DOK5: variants seen among roughly 807,000 people sequenced by gnomAD.
The protein encoded by DOK5 is docking protein 5.
Under a neutral mutation model 43.3 loss-of-function variants are expected in DOK5, and 27 were observed. The observed-to-expected ratio is 0.62, with a 90% CI of 0.46 to 0.86. The LOEUF (loss-of-function observed/expected upper bound fraction) is 0.86. Ranked by LOEUF, DOK5 falls within the 40% of genes least tolerant of loss-of-function variation. The pLI, the probability that DOK5 is intolerant of heterozygous loss-of-function variation, is 0.00. For synonymous variants in DOK5, 146 were observed against 140.1 expected (o/e 1.04, Z -0.30); for missense variants, 373 against 392.9 (o/e 0.95, Z 0.43).
Position 54,650,762 on chromosome 20 carries a change from A to G in DOK5, c.*283A>G. The G allele has an allele frequency of 3.3e-6, 1 of 304,080 alleles. No individual in the cohort carries two copies. Among genetic ancestry groups the G allele is most frequent in the Non-Finnish European group, 6.0e-6 (1 of 165,368 alleles). The allele number at this position is 304,080 out of a possible 1,614,324, so 18.8% of individuals were successfully genotyped here. On this transcript the variant is annotated 3_prime_UTR_variant, in exon 8 of 8. Coordinates refer to ENST00000262593, the MANE Select transcript of DOK5 (RefSeq NM_018431.5). ...AGTCAATGTCACGAAATGATTTTCT[A>G]TTGTAGATACTTTGTCCCTTGCACT...
chr20:54,606,507 C>T (rs1025517066), intron 5 of DOK5, among the ~76,000 whole-genome samples: 7 of 152,168 alleles, frequency 4.6e-5, no homozygotes, highest in Non-Finnish European at 8.8e-5. Context: ...TCTCTGGAGA[C>T]GAGAAGCAGA....
rs149120193 is a variant in DOK5 at position 54,491,191 on chromosome 20, T to C, written c.66+15179T>C. Among the ~76,000 whole-genome samples, 1,133 of 152,346 alleles carry C rather than the reference T, an allele frequency of 7.4e-3. 7 individuals carry two copies. The highest frequency in any genetic ancestry group is 0.026 in the African/African-American group (1,067 of 41,576). ...TCATTTCTTTGTTGCTTGTTTCTTC[T>C]AGTAACCACAAGCACTGAGCGGGTC... On this transcript the variant is annotated intron_variant, in intron 1 of 7. Coordinates refer to ENST00000262593, the MANE Select transcript of DOK5 (RefSeq NM_018431.5).
At chr20:54,503,833 T>A (rs1487590741) in intron 1 of DOK5, among the ~76,000 whole-genome samples, 1 of 152,148 alleles carries the variant, frequency 6.6e-6, no homozygotes, top group East Asian at 1.9e-4. Context: ...GGACATAAAA[T>A]GAGGTGATTG....
At chr20:54,564,956 C>T (rs533534378) in intron 2 of DOK5, among the ~76,000 whole-genome samples, 1 of 152,330 alleles carries the variant, frequency 6.6e-6, no homozygotes, top group South Asian at 2.1e-4. Context: ...TTCATTTGTC[C>T]TGTCTCAAAG....
chr20:54,555,766 G>A (rs1325480107), intron 2 of DOK5, among the ~76,000 whole-genome samples: 1 of 152,136 alleles, frequency 6.6e-6, no homozygotes, highest in Non-Finnish European at 1.5e-5. Flanking sequence ...GTCTATGAAG[G>A]AACTATGCTT....
chr20:54,546,198 AT>A, intron 1 of DOK5, among the ~76,000 whole-genome samples: 1 of 152,322 alleles, frequency 6.6e-6, no homozygotes, highest in African/African-American at 2.4e-5. Context: ...CCAAACAGGA[AT>A]GTTGGGATGA....
At chr20:54,532,792 A>G (rs1410249763) in intron 1 of DOK5, among the ~76,000 whole-genome samples, 1 of 152,196 alleles carries the variant, frequency 6.6e-6, no homozygotes, top group African/African-American at 2.4e-5. Flanking sequence ...GAGACCTGCG[A>G]TCTGAGTGGC....
intron 1 of DOK5, among the ~76,000 whole-genome samples, chr20:54,488,710 T>G (rs1362080986): frequency 6.6e-6 from 1 of 151,102 alleles, no homozygotes; most frequent in African/African-American, 2.4e-5. Context: ...CTCCCTCCCT[T>G]CCATATATTA....
chr20:54,519,062 T>A (rs1450813834), intron 1 of DOK5, among the ~76,000 whole-genome samples: 1 of 152,332 alleles, frequency 6.6e-6, no homozygotes, highest in Non-Finnish European at 1.5e-5. Flanking sequence ...CAACAGGTGC[T>A]GGAGAGGATG....
chr20:54,575,722 A>T (rs1242915933), intron 2 of DOK5, among the ~76,000 whole-genome samples: 1 of 152,170 alleles, frequency 6.6e-6, no homozygotes, highest in African/African-American at 2.4e-5. Context: ...ATTACAGGCC[A>T]ACTGTGTTAT....
At chr20:54,480,543 C>A (rs1981627741) in intron 1 of DOK5, among the ~76,000 whole-genome samples, 1 of 152,242 alleles carries the variant, frequency 6.6e-6, no homozygotes, top group African/African-American at 2.4e-5. Context: ...GGGCAACCAG[C>A]AGCCCTCGGG....
chr20:54,564,617 CAG>C (rs1985029794), intron 2 of DOK5, among the ~76,000 whole-genome samples: 1 of 151,838 alleles, frequency 6.6e-6, no homozygotes, highest in African/African-American at 2.4e-5. Flanking sequence ...AGAACAAAAT[CAG>C]AGAGAGAGAA....
intron 2 of DOK5, among the ~76,000 whole-genome samples, chr20:54,569,940 A>G (rs995244319): frequency 6.6e-6 from 1 of 152,178 alleles, no homozygotes; most frequent in African/African-American, 2.4e-5. Flanking sequence ...GTTCTTTCTT[A>G]AGAAAATTTT....
At chr20:54,605,474 C>T (rs749345535) in intron 5 of DOK5, among the ~76,000 whole-genome samples, 3 of 152,186 alleles carry the variant, frequency 2.0e-5, no homozygotes, top group Non-Finnish European at 4.4e-5. Flanking sequence ...GGCTCAGCCC[C>T]GCAGGCTACC....
At chr20:54,607,334 C>G (rs1986502880) in intron 5 of DOK5, among the ~76,000 whole-genome samples, 1 of 152,006 alleles carries the variant, frequency 6.6e-6, no homozygotes, top group Admixed American at 6.6e-5. Context: ...TTTATGCATT[C>G]ACGTTCTCTG....
intron 1 of DOK5, among the ~76,000 whole-genome samples, chr20:54,543,325 T>C (rs1180592918): frequency 1.3e-4 from 1 of 7,452 alleles, no homozygotes; most frequent in Non-Finnish European, 2.5e-4. Flanking sequence ...TCGTGGACAG[T>C]GGGGGGTGGG....
chr20:54,515,166 A>G (rs1384632915), intron 1 of DOK5, among the ~76,000 whole-genome samples: 2 of 151,916 alleles, frequency 1.3e-5, no homozygotes, highest in Non-Finnish European at 2.9e-5. Flanking sequence ...GCCCGCCACC[A>G]CACCCAGCTA....
intron 1 of DOK5, among the ~76,000 whole-genome samples, chr20:54,479,562 G>A (rs1222467631): frequency 1.3e-5 from 2 of 152,186 alleles, no homozygotes; most frequent in Non-Finnish European, 2.9e-5. Flanking sequence ...CAATGGAGAT[G>A]ATTTTCCAAT....
chr20:54,501,253 G>C (rs546397035), intron 1 of DOK5, among the ~76,000 whole-genome samples: 2 of 151,752 alleles, frequency 1.3e-5, no homozygotes, highest in African/African-American at 4.8e-5. Context: ...GGATCAGGAG[G>C]TCAGGAGATC....
Sources: gnomAD v4.1 joint callset for allele counts (sites outside exome capture counted in the v4.1 genomes callset) on GRCh38, gnomAD v4.1.1 for gene constraint, MANE v1.5 for transcripts, NCBI Gene and HGNC (gene_info 2026-07-23, HGNC 2026-07-21) for gene names.